The following CLIP1 variants were observed in gnomAD, a reference collection of about 807,000 sequenced individuals.
CLIP1 encodes CAP-Gly domain containing linker protein 1, also known as CAP-Gly domain-containing linker protein 1.
In CLIP1, 66 loss-of-function variants were observed where a neutral mutation model predicts 161.6. The observed-to-expected ratio is 0.41, with a 90% CI of 0.33 to 0.50. The LOEUF is 0.50. Among genes scored for constraint, CLIP1 ranks in the 20% least tolerant of loss-of-function variants. The pLI is 0.27. For missense variants in CLIP1, 1,376 were observed against 1,702.0 expected, an observed-to-expected ratio of 0.81 and a Z score of 3.37; for synonymous variants, 598 against 626.2, an observed-to-expected ratio of 0.96 and a Z score of 0.67.
intron 15 of CLIP1, among the ~76,000 whole-genome samples, chr12:122,328,806 C>A (rs1368140225): frequency 1.3e-5 from 2 of 152,198 alleles, no homozygotes; most frequent in Non-Finnish European, 2.9e-5. Flanking sequence ...TGGTCTCGAT[C>A]TCCTGGCCTC....
intron 8 of CLIP1, among the ~76,000 whole-genome samples, chr12:122,351,772 T>C (rs1953048219): frequency 6.6e-6 from 1 of 152,078 alleles, no homozygotes; most frequent in Non-Finnish European, 1.5e-5. Flanking sequence ...AGCAATGGCT[T>C]GAAACCATCA....
chr12:122,382,228 G>GTGCA (rs1955037522), intron 1 of CLIP1, among the ~76,000 whole-genome samples: 1 of 152,106 alleles, frequency 6.6e-6, no homozygotes, highest in Non-Finnish European at 1.5e-5. Flanking sequence ...GGGCATGGTG[G>GTGCA]TGCATGCCTA....
At position 122,327,966 on chromosome 12, in the gene CLIP1, T is replaced by C. The variant is rs766378666; in HGVS notation, c.3230A>G (p.Lys1077Arg). Reference sequence around the variant, plus strand: ...ACGTACTTTGGCTTTGTCGGCTTGCTTTCTCAGCTCCTCCAGCTCCTGCAG... The same window carrying C: ...ACGTACTTTGGCTTTGTCGGCTTGCCTTCTCAGCTCCTCCAGCTCCTGCAG... ...GLLQELEELR[K>R]QADKAKAAQT... Residue 1077 changes from lysine to arginine, a missense_variant, in exon 17 of 26, where the codon AAG (lysine) becomes AGG (arginine). Physicochemically the swap from Lys to Arg is conservative, Grantham distance 26. This residue lies in a region of CLIP1 where 948 missense variants were observed against 1,134.8 expected (regional missense o/e 0.84). Coordinates refer to ENST00000620786, the MANE Select transcript of CLIP1 (RefSeq NM_001247997.2). 13 of 1,614,148 alleles carry C rather than the reference T, an allele frequency of 8.1e-6. 1 individual carries two copies. The highest frequency in any genetic ancestry group is 2.2e-5 in the South Asian group (2 of 91,084).
At chr12:122,303,246 G>A (rs1175939041) in intron 20 of CLIP1, among the ~76,000 whole-genome samples, 1 of 152,008 alleles carries the variant, frequency 6.6e-6, no homozygotes, top group Non-Finnish European at 1.5e-5. Context: ...TATTTTCCCT[G>A]GGTAACAGCT....
chr12:122,392,686 C>T (rs756000440), intron 1 of CLIP1, among the ~76,000 whole-genome samples: 22 of 152,118 alleles, frequency 1.4e-4, no homozygotes, highest in Admixed American at 9.8e-4. Context: ...ACTACCCTTC[C>T]GTGAAAGAGA....
intron 1 of CLIP1, among the ~76,000 whole-genome samples, chr12:122,392,779 T>C (rs1955714342): frequency 6.6e-6 from 1 of 152,018 alleles, no homozygotes; most frequent in Non-Finnish European, 1.5e-5. Context: ...AGCACAAAAA[T>C]TGTTTTTTGG....
intron 19 of CLIP1, among the ~76,000 whole-genome samples, chr12:122,315,785 C>T (rs933341030): frequency 6.6e-6 from 1 of 151,638 alleles, no homozygotes; most frequent in Admixed American, 6.6e-5. Flanking sequence ...AGACTACAGG[C>T]GTCCGCCACC....
At chr12:122,421,501 G>A (rs1956940823) in intron 1 of CLIP1, among the ~76,000 whole-genome samples, 1 of 152,168 alleles carries the variant, frequency 6.6e-6, no homozygotes, top group African/African-American at 2.4e-5. Context: ...AGGGGCCACT[G>A]TCCTAAAAGA....
rs1423749327 is a variant in CLIP1 at position 122,341,266 on chromosome 12, G to A, written c.1938C>T (p.Ser646=). 1 of 1,613,830 alleles carries A rather than the reference G, an allele frequency of 6.2e-7. No individual in the cohort carries two copies. The highest frequency in any genetic ancestry group is 2.2e-5 in the East Asian group (1 of 44,898). ...CTGCCGTCTCTGTTCCAAGCCCTTTGCTGAAAGATACCTTCAGTTCTTCCA... is the reference window on the plus strand; with the variant it reads ...CTGCCGTCTCTGTTCCAAGCCCTTTACTGAAAGATACCTTCAGTTCTTCCA... ...QAMEELKVSF[S]KGLGTETAEF... The change falls in exon 11 of 26, where the codon AGC becomes AGT. Residue 646 remains serine, a synonymous_variant. Transcript: ENST00000620786.
Position 122,361,106 on chromosome 12 carries a change from A to G in CLIP1, c.858T>C (p.Thr286=). 2 of 1,614,244 alleles carry G rather than the reference A, an allele frequency of 1.2e-6. No individual in the cohort carries two copies. Among genetic ancestry groups the G allele is most frequent in the Non-Finnish European group, 1.7e-6 (2 of 1,180,036 alleles). ...HKVTKIGFPS[T]TPAKAKANAV... is the part of the protein sequence containing the mutation. ...CGTTGGCCTTGGCTTTGGCTGGTGTAGTGGAAGGGAAGCCAATCTTGGTAA... is the reference window on the plus strand; with the variant it reads ...CGTTGGCCTTGGCTTTGGCTGGTGTGGTGGAAGGGAAGCCAATCTTGGTAA... Residue 286 remains threonine, a synonymous_variant, in exon 5 of 26, where the codon ACT becomes ACC. Coordinates refer to ENST00000620786, the MANE Select transcript of CLIP1 (RefSeq NM_001247997.2).
At chr12:122,329,629 C>CA (rs571336170) in intron 15 of CLIP1, among the ~76,000 whole-genome samples, 62 of 123,460 alleles carry the variant, frequency 5.0e-4, no homozygotes, top group South Asian at 1.8e-3. Flanking sequence ...GACTCTGTCT[C>CA]AAAAAAAAAA....
intron 1 of CLIP1, among the ~76,000 whole-genome samples, chr12:122,381,895 C>T (rs371013631): frequency 3.9e-5 from 6 of 152,348 alleles, no homozygotes; most frequent in South Asian, 4.1e-4. Flanking sequence ...TCCTGGATTA[C>T]CTTGGTAGGC....
chr12:122,332,908 C>T, intron 15 of CLIP1, 79 bp downstream of exon 15: 1 of 1,160,506 alleles, frequency 8.6e-7, no homozygotes, highest in Non-Finnish European at 1.2e-6. Flanking sequence ...CAATCCTAAA[C>T]ATTTTGTCTC....
intron 20 of CLIP1, 103 bp downstream of exon 20, chr12:122,309,658 AC>A: frequency 7.4e-7 from 1 of 1,343,364 alleles, no homozygotes; most frequent in Non-Finnish European, 1.0e-6. Flanking sequence ...ATTTGGAATG[AC>A]CCCACCACAC....
intron 19 of CLIP1, among the ~76,000 whole-genome samples, chr12:122,314,376 C>T (rs1398913855): frequency 6.6e-6 from 1 of 151,686 alleles, no homozygotes; most frequent in Non-Finnish European, 1.5e-5. Flanking sequence ...GAGGTTGAGG[C>T]ACGAAAACTG....
chr12:122,362,110 T>A (rs1953861899), intron 4 of CLIP1, among the ~76,000 whole-genome samples: 1 of 151,542 alleles, frequency 6.6e-6, no homozygotes, highest in Non-Finnish European at 1.5e-5. Context: ...CACGCCACCC[T>A]GCCTGGCTGA....
chr12:122,318,925 A>G (rs1951374400), intron 18 of CLIP1, among the ~76,000 whole-genome samples: 1 of 152,192 alleles, frequency 6.6e-6, no homozygotes, highest in East Asian at 1.9e-4. Flanking sequence ...GAGAAAAAAC[A>G]ATGTGTGTGA....
intron 4 of CLIP1, among the ~76,000 whole-genome samples, chr12:122,363,174 T>C (rs1320957765): frequency 1.3e-5 from 2 of 152,188 alleles, no homozygotes; most frequent in Non-Finnish European, 2.9e-5. Flanking sequence ...TGTGCATTAC[T>C]GTACTCCCAT....
rs1566121875 is a variant in CLIP1 at position 122,328,235 on chromosome 12, AACAGGCCC to A, written c.3033+18_3033+25del. 6.2e-7 allele frequency: 1 copy of A among 1,613,552 alleles called. No homozygotes were observed. The highest frequency in any genetic ancestry group is 1.7e-5 in the Admixed American group (1 of 59,990). ...CTATCCCTTGCCTTCCTTGCCAGCC[AACAGGCCC>A]ACTGAGTATCTCCTTACCAGGTCCG... On this transcript the variant is annotated intron_variant, in intron 16 of 25. Coordinates refer to ENST00000620786, the MANE Select transcript of CLIP1 (RefSeq NM_001247997.2).
Sources: gnomAD v4.1 joint callset for allele counts (sites outside exome capture counted in the v4.1 genomes callset) on GRCh38, gnomAD v4.1.1 for gene constraint, gnomAD v4.1.1 regional missense constraint, MANE v1.5 for transcripts, NCBI Gene and HGNC (gene_info 2026-07-23, HGNC 2026-07-21) for gene names.